Variants in PDIA6 observed in about 807,000 individuals in gnomAD.
The protein encoded by PDIA6 is protein disulfide isomerase family A member 6.
Under a neutral mutation model 58.4 loss-of-function variants are expected in PDIA6, and 29 were observed. The ratio of observed to expected loss-of-function variants is 0.50; its 90% CI spans 0.37 to 0.68. PDIA6 has a LOEUF of 0.68. Ranked by LOEUF, PDIA6 falls within the 30% of genes least tolerant of loss-of-function variation. The pLI is 0.00. For missense variants in PDIA6, 480 were observed against 551.0 expected (o/e 0.87, Z 1.29); for synonymous variants, 192 against 202.6 (o/e 0.95, Z 0.44).
At chr2:10,810,136 C>T in intron 1 of PDIA6, 2 of 673,658 alleles carry the variant, frequency 3.0e-6, no homozygotes, top group African/African-American at 1.8e-5. Context: ...AGGCATTTTT[C>T]TAAACATTTT....
chr2:10,797,826 T>C lies in PDIA6; in HGVS notation c.162-69A>G, dbSNP rs183513376. 218 of 1,304,290 alleles carry C rather than the reference T, an allele frequency of 1.7e-4. No homozygotes were observed. In the African/African-American group the frequency reaches 2.9e-3, roughly 18 times the overall value. 80.8% of individuals were successfully genotyped at this position (1,304,290 alleles called of 1,614,324 possible). A position where few individuals can be genotyped will look rare whatever the true frequency, so the allele number is the denominator to read the frequency against. On this transcript the variant is annotated intron_variant, in intron 2 of 12. Coordinates refer to ENST00000272227, the MANE Select transcript of PDIA6 (RefSeq NM_005742.4). ...TTCTCAATTCAAAAAATTCAAAAAT[T>C]CAATTAAAAAACCCCATCAATGGTC...
In PDIA6 at chr2:10,802,609, C is replaced by T; in HGVS notation, c.51G>A (p.Val17=). The T allele has an allele frequency of 6.8e-7, 1 of 1,478,864 alleles. No homozygotes were observed. Among genetic ancestry groups the T allele is most frequent in the Non-Finnish European group, 9.0e-7 (1 of 1,116,394 alleles). The allele number at this position is 1,478,864 out of a possible 1,614,324, so 91.6% of individuals were successfully genotyped here. The change falls in exon 2 of 13, where the codon GTG becomes GTA. Residue 17 remains valine, a synonymous_variant. Coordinates refer to ENST00000272227, the MANE Select transcript of PDIA6 (RefSeq NM_005742.4). ...CATCACTAGAGGAATACAGACCATT[C>T]ACTGCCAGAAAGAAGGTACAGCTCA... ...GLVSCTFFLA[V]NGLYSSSDDV... is the part of the protein sequence containing the mutation.
At position 10,793,165 on chromosome 2, in the gene PDIA6, C is replaced by G. The variant is rs1462100041; in HGVS notation, c.384G>C (p.Leu128=). The G allele has an allele frequency of 1.9e-6, 3 of 1,614,154 alleles. No homozygotes were observed. Residue 128 remains leucine (L), a synonymous_variant, in exon 5 of 13, where the codon CTG becomes CTC. Transcript: ENST00000272227. ...CCTTCACGAGCTGGCGCAGAGCACT[C>G]AGCGCAGCATCTACAATGGCTTCAC... ...RTGEAIVDAA[L]SALRQLVKDR... is the part of the protein sequence containing the mutation.
chr2:10,813,398 G>T (rs929797039), upstream of PDIA6, among the ~76,000 whole-genome samples: 2 of 152,218 alleles, frequency 1.3e-5, no homozygotes, highest in Non-Finnish European at 2.9e-5. Context: ...CCTCCTCGCT[G>T]ACAGGGTCTC....
chr2:10,817,849 T>C (rs1667247024), intron 2 of PDIA6, among the ~76,000 whole-genome samples: 1 of 152,220 alleles, frequency 6.6e-6, no homozygotes, highest in Admixed American at 6.5e-5. Flanking sequence ...ATTCTATAGT[T>C]TTAGCCATTG....
At chr2:10,831,036 C>T (rs1196242951) in intron 1 of PDIA6, among the ~76,000 whole-genome samples, 1 of 152,222 alleles carries the variant, frequency 6.6e-6, no homozygotes, top group Non-Finnish European at 1.5e-5. Flanking sequence ...CGGGGAGGGC[C>T]CTTGTGGGAG....
upstream of PDIA6, among the ~76,000 whole-genome samples, chr2:10,835,978 G>T (rs1400094836): frequency 6.6e-6 from 1 of 151,736 alleles, no homozygotes; most frequent in Non-Finnish European, 1.5e-5. Context: ...TTGAACCCGG[G>T]AAGCAGAGTT....
At chr2:10,824,937 G>C (rs1260358775) in intron 1 of PDIA6, among the ~76,000 whole-genome samples, 1 of 152,182 alleles carries the variant, frequency 6.6e-6, no homozygotes, top group Non-Finnish European at 1.5e-5. Context: ...TGAGGGTGTT[G>C]CCAAAGGAGA....
chr2:10,828,766 C>A (rs749368846), intron 1 of PDIA6, among the ~76,000 whole-genome samples: 4 of 152,214 alleles, frequency 2.6e-5, no homozygotes, highest in Admixed American at 1.3e-4. Context: ...ACACTGGAAA[C>A]CCCTGCTTTG....
intron 2 of PDIA6, among the ~76,000 whole-genome samples, chr2:10,799,453 A>G (rs1294888291): frequency 6.6e-6 from 1 of 152,210 alleles, no homozygotes; most frequent in Non-Finnish European, 1.5e-5. Flanking sequence ...GAAGAAATTT[A>G]CCCAATATCA....
upstream of PDIA6, among the ~76,000 whole-genome samples, chr2:10,815,757 C>G (rs1667174507): frequency 6.6e-6 from 1 of 152,192 alleles, no homozygotes; most frequent in African/African-American, 2.4e-5. Context: ...ATTGGCCAGG[C>G]TGGTCTCGAA....
In PDIA6 at chr2:10,837,637, G is replaced by A. The variant is rs555541478; in HGVS notation, c.-32C>T. 1.8e-4 allele frequency: 237 copies of A among 1,326,948 alleles called. No individual in the cohort carries two copies. In the African/African-American group the frequency reaches 2.9e-3, roughly 16 times the overall value. The allele number at this position is 1,326,948 out of a possible 1,614,324, so 82.2% of individuals were successfully genotyped here. ...GTCAGAAAAGCCCAGGCACAGAATT[G>A]CAGCTTGTTCAGGGGCTCCAAGCTT... On this transcript the variant is annotated 5_prime_UTR_variant, in exon 1 of 14. Coordinates refer to the PDIA6 transcript ENST00000404824.
chr2:10,832,446 G>C (rs930858136), exon 1 of PDIA6: 12 of 985,446 alleles, frequency 1.2e-5, no homozygotes, highest in Middle Eastern at 5.2e-4. Flanking sequence ...TTTGAAGCAC[G>C]AGGCCAGGAG....
rs777359982 is a variant in PDIA6 at position 10,784,292 on chromosome 2, A to T, written c.1289T>A (p.Val430Glu). ...PVEDDIDLSD[V>E]ELDDLGKDEL ...ATCTTTCCCTAAGTCATCAAGCTCCACATCACTGAGGTCAATGTCATCCTC... is the reference window on the plus strand; with the variant it reads ...ATCTTTCCCTAAGTCATCAAGCTCCTCATCACTGAGGTCAATGTCATCCTC... The change falls in exon 13 of 13, where the codon GTG (valine) becomes GAG (glutamate). Residue 430 changes from valine (V) to glutamate (E), a missense_variant. Coordinates refer to ENST00000272227, the MANE Select transcript of PDIA6 (RefSeq NM_005742.4). The T allele has an allele frequency of 1.2e-6, 2 of 1,613,560 alleles. No individual in the cohort carries two copies. Among genetic ancestry groups the T allele is most frequent in the Non-Finnish European group, 8.5e-7 (1 of 1,179,914 alleles).
Position 10,788,065 on chromosome 2 carries a change from C to CAA in PDIA6, c.999-628_999-627dup, listed in dbSNP as rs565180851. Among the ~76,000 whole-genome samples, 68 of 102,168 alleles carry CAA rather than the reference C, an allele frequency of 6.7e-4. 3 individuals carry two copies. Among genetic ancestry groups the CAA allele is most frequent in the Non-Finnish European group, 8.7e-4 (46 of 52,712 alleles). The allele number at this position is 102,168 out of a possible 152,430, so 67.0% of individuals were successfully genotyped here. On this transcript the variant is annotated intron_variant, in intron 10 of 12. Transcript: ENST00000272227. ...TGGGCAAGAGAGTGAGACTCTGTCT[C>CAA]AAAAAAAAAAAAAAAGGATAAAATA...
chr2:10,797,917 T>G (rs56346617), intron 2 of PDIA6, among the ~76,000 whole-genome samples, 160 bp from the exon 3 acceptor site: 74,263 of 152,110 alleles, frequency 0.49, 19,677 homozygotes, highest in South Asian at 0.58. Context: ...GGGCACGGTG[T>G]CTCACGCCTG....
rs1665909815 is a variant in PDIA6 at position 10,788,994 on chromosome 2, A to G, written c.841-13T>C. The G allele has an allele frequency of 6.2e-7, 1 of 1,608,444 alleles. No homozygotes were observed. Among genetic ancestry groups the G allele is most frequent in the Non-Finnish European group, 8.5e-7 (1 of 1,174,840 alleles). On this transcript the variant is annotated splice_polypyrimidine_tract_variant and intron_variant, in intron 8 of 12. Transcript: ENST00000272227. ...CCTCGTTGATAATCTGTGGGACCCA[A>G]AAGACAAGGGACAATCAGGAGGCTG...
chr2:10,835,067 G>C (rs1052283382), upstream of PDIA6, among the ~76,000 whole-genome samples: 2 of 152,016 alleles, frequency 1.3e-5, no homozygotes, highest in East Asian at 1.9e-4. Flanking sequence ...TGTGCCTGGC[G>C]TAGAGTGAAC....
chr2:10,823,097 T>TA (rs1667447567), intron 1 of PDIA6: 1 of 152,244 alleles, frequency 6.6e-6, no homozygotes, highest in South Asian at 2.1e-4. Context: ...TCTCCAGAAG[T>TA]AGAGGTGGCC....
Sources: gnomAD v4.1 joint callset for allele counts (sites outside exome capture counted in the v4.1 genomes callset) on GRCh38, gnomAD v4.1.1 for gene constraint, MANE v1.5 for transcripts, NCBI Gene and HGNC (gene_info 2026-07-23, HGNC 2026-07-21) for gene names.